Variants in MAMLD1 observed in about 807,000 individuals in gnomAD.
MAMLD1 encodes the protein mastermind like domain containing 1, also known as mastermind-like domain-containing protein 1.
A neutral mutation model predicts 45.0 loss-of-function variants in MAMLD1; 14 were observed. That is an observed-to-expected ratio of 0.31 (90% CI 0.21 to 0.49). The LOEUF is 0.49. Among genes scored for constraint, MAMLD1 ranks in the 20% least tolerant of loss-of-function variants. The probability of loss-of-function intolerance (pLI) is 0.99; values close to 1 mark genes in which losing one functional copy is unlikely to be tolerated. For missense variants in MAMLD1, 543 were observed against 603.6 expected (o/e 0.90, Z 1.05); for synonymous variants, 254 against 247.8 (o/e 1.02, Z -0.24).
intron 1 of MAMLD1, among the ~76,000 whole-genome samples, chrX:150,367,811 T>G (rs1182404261): frequency 9.1e-6 from 1 of 110,238 alleles, no homozygotes; most frequent in Non-Finnish European, 1.9e-5. Flanking sequence ...CATGCGGTGT[T>G]TGGTTTTTTG....
At chrX:150,424,556 G>A (rs970612329) in intron 1 of MAMLD1, among the ~76,000 whole-genome samples, 4 of 112,176 alleles carry the variant, frequency 3.6e-5, no homozygotes, top group Non-Finnish European at 5.6e-5. Context: ...AAAAAAGGGT[G>A]TGTTGATGGC....
chrX:150,489,400 GCTT>G (rs1202007002), intron 5 of MAMLD1, among the ~76,000 whole-genome samples: 1 of 109,742 alleles, frequency 9.1e-6, no homozygotes, highest in Non-Finnish European at 1.9e-5. Context: ...GCTTCCTTGG[GCTT>G]CTTCTTATAA....
chrX:150,451,403 C>G (rs1217887634), intron 2 of MAMLD1, among the ~76,000 whole-genome samples: 3 of 111,384 alleles, frequency 2.7e-5, no homozygotes, highest in African/African-American at 9.8e-5. Context: ...TATGCAGACC[C>G]AGGGGCCAGC....
chrX:150,394,419 T>C (rs2033337099), intron 1 of MAMLD1, among the ~76,000 whole-genome samples: 1 of 110,598 alleles, frequency 9.0e-6, no homozygotes, highest in Admixed American at 9.7e-5. Context: ...TTTTACTAAC[T>C]ATTCTGGATC....
At chrX:150,372,980 C>A (rs1371098790) in intron 1 of MAMLD1, among the ~76,000 whole-genome samples, 1 of 111,635 alleles carries the variant, frequency 9.0e-6, no homozygotes, top group Non-Finnish European at 1.9e-5. Context: ...TCCTTTCTCA[C>A]CCACTAATAG....
chrX:150,387,755 T>C (rs947751903), intron 1 of MAMLD1, among the ~76,000 whole-genome samples: 1 of 112,017 alleles, frequency 8.9e-6, no homozygotes, highest in African/African-American at 3.2e-5. Context: ...GGATGTTAAA[T>C]TTGCTAAATG....
chrX:150,362,103 G>A (rs1557400487), upstream of MAMLD1, among the ~76,000 whole-genome samples: 1 of 112,249 alleles, frequency 8.9e-6, no homozygotes, highest in African/African-American at 3.2e-5. Context: ...TGCCACCTGA[G>A]AGCCCTGGTC....
chrX:150,431,024 T>C (rs189244235), intron 1 of MAMLD1, among the ~76,000 whole-genome samples: 1 of 112,587 alleles, frequency 8.9e-6, no homozygotes, highest in East Asian at 2.8e-4. Context: ...TGGATGTCTA[T>C]TTGGGAGAAG....
chrX:150,491,258 C>G (rs1403203153), intron 5 of MAMLD1, among the ~76,000 whole-genome samples: 1 of 111,802 alleles, frequency 8.9e-6, no homozygotes, highest in Non-Finnish European at 1.9e-5. Context: ...ATACAGCTGC[C>G]AAGTATATGA....
chrX:150,475,451 C>T (rs2148309496), intron 5 of MAMLD1, among the ~76,000 whole-genome samples: 1 of 112,148 alleles, frequency 8.9e-6, no homozygotes, highest in East Asian at 2.8e-4. Context: ...CCAAATCCAG[C>T]CTTCTATAGA....
intron 5 of MAMLD1, among the ~76,000 whole-genome samples, chrX:150,474,686 C>T (rs2036532446): frequency 1.8e-5 from 2 of 111,891 alleles, no homozygotes; most frequent in Admixed American, 9.4e-5. Flanking sequence ...TGGACAACTC[C>T]CAGCCTGATG....
intron 1 of MAMLD1, among the ~76,000 whole-genome samples, chrX:150,399,231 G>A (rs957030060): frequency 2.7e-5 from 3 of 111,730 alleles, no homozygotes; most frequent in Non-Finnish European, 5.6e-5. Flanking sequence ...GCAGTGGAAG[G>A]ACACAGACCT....
chrX:150,367,003 C>T (rs146131546), intron 1 of MAMLD1, among the ~76,000 whole-genome samples: 1,434 of 98,968 alleles, frequency 0.014, 11 homozygotes, highest in Middle Eastern at 0.097. Flanking sequence ...TACAAGATCT[C>T]CTTAAAAATC....
At chrX:150,471,541 T>G in intron 4 of MAMLD1, 51 bp downstream of exon 4, 1 of 1,210,358 alleles carries the variant, frequency 8.3e-7, no homozygotes, top group Non-Finnish European at 1.1e-6. Context: ...AAGTAACAAC[T>G]GTGTTTCATG....
intron 2 of MAMLD1, among the ~76,000 whole-genome samples, chrX:150,453,033 C>T (rs1461363797): frequency 2.7e-5 from 3 of 110,899 alleles, no homozygotes; most frequent in Admixed American, 9.5e-5. Context: ...ACTTGCACTA[C>T]GGAAGAAATC....
intron 5 of MAMLD1, among the ~76,000 whole-genome samples, chrX:150,474,172 C>T (rs1160423539): frequency 1.8e-5 from 2 of 111,711 alleles, no homozygotes; most frequent in Non-Finnish European, 3.8e-5. Flanking sequence ...TTTTAATCCT[C>T]AGAGGCAGGG....
chrX:150,370,112 T>C (rs2031845913), intron 1 of MAMLD1, among the ~76,000 whole-genome samples: 1 of 109,057 alleles, frequency 9.2e-6, no homozygotes, highest in Non-Finnish European at 1.9e-5. Flanking sequence ...AGAGTGTGAA[T>C]AGACCAACCC....
At chrX:150,408,440 A>C (rs1369340427) in intron 1 of MAMLD1, among the ~76,000 whole-genome samples, 1 of 111,871 alleles carries the variant, frequency 8.9e-6, no homozygotes. Context: ...TCAATTCTAC[A>C]AAAAGAGTCT....
At chrX:150,406,534 A>C (rs2034002368) in intron 1 of MAMLD1, among the ~76,000 whole-genome samples, 1 of 111,898 alleles carries the variant, frequency 8.9e-6, no homozygotes, top group Admixed American at 9.4e-5. Context: ...CAAGTCAAGC[A>C]GACGTGGGTC....
Sources: gnomAD v4.1 joint callset for allele counts (sites outside exome capture counted in the v4.1 genomes callset) on GRCh38, gnomAD v4.1.1 for gene constraint, MANE v1.5 for transcripts, NCBI Gene and HGNC (gene_info 2026-07-23, HGNC 2026-07-21) for gene names.